RTL4: variants seen among roughly 807,000 people sequenced by gnomAD.
The protein encoded by RTL4 is retrotransposon Gag-like protein 4.
In RTL4, 4 loss-of-function variants were observed where a neutral mutation model predicts 5.3. That is an observed-to-expected ratio of 0.75 (90% CI 0.37 to 1.72). The LOEUF (loss-of-function observed/expected upper bound fraction) is 1.72. Ranked by LOEUF, RTL4 falls within the 40% of genes most tolerant of loss-of-function variation. The pLI is 0.04. For synonymous variants in RTL4, 98 were observed against 87.3 expected (o/e 1.12, Z -0.68); for missense variants, 260 against 227.1 (o/e 1.14, Z -0.93).
At chrX:112,087,182 C>CTGTG in the RTL4 span, among the ~76,000 whole-genome samples, 1 of 111,328 alleles carries the variant, frequency 9.0e-6, no homozygotes, top group Admixed American at 9.5e-5. Context: ...GTGACTGACT[C>CTGTG]TGTGGGACCT....
At chrX:112,115,810 G>A in the RTL4 span, among the ~76,000 whole-genome samples, 11 of 112,203 alleles carry the variant, frequency 9.8e-5, no homozygotes, top group Admixed American at 2.8e-4. Flanking sequence ...GACTAGCCTC[G>A]GAGAATAGAG....
At chrX:112,342,926 C>T in the RTL4 span, among the ~76,000 whole-genome samples, 1 of 111,192 alleles carries the variant, frequency 9.0e-6, no homozygotes, top group Non-Finnish European at 1.9e-5. Context: ...ATGGTGAAAC[C>T]CCGTCTCTAC....
the RTL4 span, among the ~76,000 whole-genome samples, chrX:112,352,443 A>G: frequency 8.9e-6 from 1 of 111,865 alleles, no homozygotes; most frequent in Non-Finnish European, 1.9e-5. Flanking sequence ...CTACAAGGCT[A>G]CAGTAACCAA....
chrX:112,412,097 T>C, the RTL4 span, among the ~76,000 whole-genome samples: 4 of 111,157 alleles, frequency 3.6e-5, no homozygotes, highest in Non-Finnish European at 5.7e-5. Flanking sequence ...AGTAATGCCA[T>C]TTACAATAGC....
chrX:112,452,257 ATTTTTTTTTT>A (rs760522980), upstream of RTL4, among the ~76,000 whole-genome samples: 1 of 65,441 alleles, frequency 1.5e-5, no homozygotes, highest in Non-Finnish European at 2.9e-5. Context: ...CGCGCAGCTA[ATTTTTTTTTT>A]TTTTTTTTTT....
At chrX:112,358,107 C>CTTAT in the RTL4 span, among the ~76,000 whole-genome samples, 3 of 108,485 alleles carry the variant, frequency 2.8e-5, no homozygotes, top group Non-Finnish European at 3.8e-5. Flanking sequence ...TTCTTTTTTA[C>CTTAT]TTATTTATTT....
chrX:112,176,768 G>GTATTACTTGTATT, the RTL4 span, among the ~76,000 whole-genome samples: 1 of 110,238 alleles, frequency 9.1e-6, no homozygotes, highest in African/African-American at 3.3e-5. Flanking sequence ...ATACTAATAT[G>GTATTACTTGTATT]TATTACTTGT....
At chrX:112,329,267 C>T in the RTL4 span, among the ~76,000 whole-genome samples, 1 of 109,800 alleles carries the variant, frequency 9.1e-6, no homozygotes, top group East Asian at 2.8e-4. Flanking sequence ...GCTAGCAAGA[C>T]TAATAAAGAA....
chrX:112,130,215 G>A, the RTL4 span, among the ~76,000 whole-genome samples: 1 of 109,340 alleles, frequency 9.1e-6, no homozygotes, highest in Admixed American at 9.7e-5. Context: ...GGAAAAATCT[G>A]CACTAGTTGA....
At chrX:112,455,386 A>C in exon 1 of RTL4, 1 of 1,211,581 alleles carries the variant, frequency 8.3e-7, no homozygotes, top group Non-Finnish European at 1.1e-6. Context: ...CAAGAAACAT[A>C]GTGACAGGCC....
At chrX:112,301,822 A>G in the RTL4 span, among the ~76,000 whole-genome samples, 1 of 109,605 alleles carries the variant, frequency 9.1e-6, no homozygotes, top group African/African-American at 3.3e-5. Context: ...TAAATTGCCC[A>G]TGCCCGATGG....
the RTL4 span, among the ~76,000 whole-genome samples, chrX:112,216,313 T>C: frequency 3.7e-4 from 42 of 112,073 alleles, no homozygotes; most frequent in African/African-American, 1.4e-3. Context: ...ACGTAAACAC[T>C]AACACTACCA....
the RTL4 span, among the ~76,000 whole-genome samples, chrX:112,263,926 G>A: frequency 8.9e-6 from 1 of 111,967 alleles, no homozygotes; most frequent in African/African-American, 3.2e-5. Context: ...ATAAAAGGAA[G>A]AGAGAGGAGT....
chrX:112,352,950 T>G, the RTL4 span, among the ~76,000 whole-genome samples: 1 of 111,201 alleles, frequency 9.0e-6, no homozygotes, highest in Non-Finnish European at 1.9e-5. Flanking sequence ...AGGGCTAATA[T>G]CCAGAATCTA....
chrX:112,373,492 T>A, the RTL4 span, among the ~76,000 whole-genome samples: 1 of 111,110 alleles, frequency 9.0e-6, no homozygotes, highest in Non-Finnish European at 1.9e-5. Flanking sequence ...ATTCTTTATA[T>A]AACCTAGAAA....
At chrX:112,214,583 C>G in the RTL4 span, among the ~76,000 whole-genome samples, 1 of 111,752 alleles carries the variant, frequency 8.9e-6, no homozygotes. Context: ...TTTTGAGGAA[C>G]CTCTATACTG....
At chrX:112,276,339 T>C in the RTL4 span, among the ~76,000 whole-genome samples, 19 of 111,680 alleles carry the variant, frequency 1.7e-4, no homozygotes, top group East Asian at 4.5e-3. Context: ...TATGTGTAAT[T>C]AGTCTCATGA....
chrX:112,344,043 T>G, the RTL4 span, among the ~76,000 whole-genome samples: 1 of 112,330 alleles, frequency 8.9e-6, no homozygotes, highest in Non-Finnish European at 1.9e-5. Flanking sequence ...GGAATAGTGG[T>G]ACATTATTCT....
the RTL4 span, among the ~76,000 whole-genome samples, chrX:112,257,458 G>T: frequency 9.0e-6 from 1 of 110,749 alleles, no homozygotes; most frequent in South Asian, 3.8e-4. Flanking sequence ...ATTTAGCGTT[G>T]TTGTGTCTTA....
Sources: allele counts gnomAD v4.1 joint callset (sites outside exome capture counted in the v4.1 genomes callset), GRCh38; gene constraint gnomAD v4.1.1; transcripts MANE v1.5; gene names NCBI Gene and HGNC (gene_info 2026-07-23, HGNC 2026-07-21).